The following CAMK2G variants were observed in gnomAD, a reference collection of about 807,000 sequenced individuals.
CAMK2G encodes the protein calcium/calmodulin dependent protein kinase II gamma.
CAMK2G carries 23 observed loss-of-function variants against 88.7 expected under a neutral mutation model. The observed-to-expected ratio is 0.26, with a 90% confidence interval of 0.19 to 0.37. The LOEUF (loss-of-function observed/expected upper bound fraction) is 0.37. Among genes scored for constraint, CAMK2G ranks in the 10% least tolerant of loss-of-function variants. The pLI is 1.00. For missense variants in CAMK2G, 476 were observed against 780.8 expected, an observed-to-expected ratio of 0.61 and a Z score of 4.65; for synonymous variants, 263 against 294.8, an observed-to-expected ratio of 0.89 and a Z score of 1.11.
chr10:73,829,796 T>A lies in CAMK2G; in HGVS notation c.1054-1675A>T, dbSNP rs192424108. Among the ~76,000 whole-genome samples, 283 of 152,136 alleles carry A rather than the reference T, an allele frequency of 1.9e-3. 7 individuals carry two copies. Among genetic ancestry groups the A allele is most frequent in the Admixed American group, 0.018 (277 of 15,262 alleles). On this transcript the variant is annotated intron_variant, in intron 14 of 22. Transcript: ENST00000423381. ...TGCTTTCAGGAAGGTTCCTATCTTA[T>A]GTGTCTTTACAATTTCCACAGTACC...
At position 73,842,262 on chromosome 10, in the gene CAMK2G, A is replaced by G; in HGVS notation, c.904-51T>C. ...ATTCACTGAGACCCTAGAAAAGGGCAGGCTGGTCTCAGGCAAAGGCAGGTC... is the reference window on the plus strand; with the variant it reads ...ATTCACTGAGACCCTAGAAAAGGGCGGGCTGGTCTCAGGCAAAGGCAGGTC... On this transcript the variant is annotated intron_variant, in intron 11 of 22. Transcript: ENST00000423381. The surrounding 1 kb of genome is among the most constrained non-coding windows in gnomAD (Gnocchi z 4.6). 2 of 1,501,944 alleles carry G rather than the reference A, an allele frequency of 1.3e-6. No individual in the cohort carries two copies. The highest frequency in any genetic ancestry group is 2.3e-5 in the East Asian group (1 of 44,440). The allele number at this position is 1,501,944 out of a possible 1,614,324, so 93.0% of individuals were successfully genotyped here. A position where few individuals can be genotyped will look rare whatever the true frequency, so the allele number is the denominator to read the frequency against.
At chr10:73,853,370 T>TG in intron 3 of CAMK2G, 124 bp from the exon 4 acceptor site, 1 of 807,900 alleles carries the variant, frequency 1.2e-6, no homozygotes, top group Non-Finnish European at 2.0e-6. Flanking sequence ...GAAGGAGCAG[T>TG]GGGGGGAAGT....
chr10:73,819,654 C>CCAGGGCAGGGCAGGG lies in CAMK2G; in HGVS notation c.1250-24_1250-10dup, dbSNP rs201010279. Reference sequence around the variant, plus strand: ...AGTGCGGAGCGGGGCAGCTAGCCAGCCAGGGCAGGGCAGGGCAGGGCAAGG... The same window carrying CCAGGGCAGGGCAGGG: ...AGTGCGGAGCGGGGCAGCTAGCCAGCCAGGGCAGGGCAGGGCAGGGCAGGGCAGGGCAGGGCAAGG... On this transcript the variant is annotated splice_polypyrimidine_tract_variant and intron_variant, in intron 18 of 22. Coordinates refer to ENST00000423381, the MANE Select transcript of CAMK2G (RefSeq NM_001367534.1). The CCAGGGCAGGGCAGGG allele has an allele frequency of 2.6e-6, 4 of 1,521,458 alleles. No homozygotes were observed. The Admixed American group carries it at 5.9e-5, about 23-fold the overall frequency. 94.2% of individuals were successfully genotyped at this position (1,521,458 alleles called of 1,614,324 possible).
chr10:73,849,218 A>G (rs2094456857), intron 6 of CAMK2G, 43 bp downstream of exon 6: 3 of 1,589,624 alleles, frequency 1.9e-6, no homozygotes, highest in African/African-American at 2.7e-5. Flanking sequence ...AGGTGGCGCC[A>G]ACACTTCATG....
At chr10:73,828,236 C>T (rs2091620750) in intron 14 of CAMK2G, 115 bp from the exon 15 acceptor site, 7 of 838,564 alleles carry the variant, frequency 8.3e-6, no homozygotes, top group African/African-American at 1.7e-5. Flanking sequence ...GAGAAAAGAG[C>T]GGAGGGAGAC....
At chr10:73,824,669 C>T (rs2090316753) in intron 16 of CAMK2G, among the ~76,000 whole-genome samples, 1 of 152,200 alleles carries the variant, frequency 6.6e-6, no homozygotes, top group South Asian at 2.1e-4. Context: ...GGCAACATCA[C>T]CTCTCCCTCT....
At chr10:73,855,932 GATTC>G (rs887003781) in intron 3 of CAMK2G, among the ~76,000 whole-genome samples, 3 of 152,118 alleles carry the variant, frequency 2.0e-5, no homozygotes, top group African/African-American at 7.2e-5. Flanking sequence ...AGCAACAGCA[GATTC>G]ATTATTTCTT....
At chr10:73,831,721 G>A (rs901776603) in intron 14 of CAMK2G, among the ~76,000 whole-genome samples, 8 of 151,444 alleles carry the variant, frequency 5.3e-5, no homozygotes, top group East Asian at 2.0e-4. Flanking sequence ...TCAGCCGGGC[G>A]TGGTGGCACA....
At chr10:73,821,859 A>G (rs1300760876) in intron 17 of CAMK2G, 129 bp from the exon 18 acceptor site, 9 of 738,280 alleles carry the variant, frequency 1.2e-5, no homozygotes, top group Non-Finnish European at 2.1e-5. Flanking sequence ...TTCTGCTTCC[A>G]CCCTGGCTGT....
At chr10:73,853,439 C>T (rs562910580) in intron 3 of CAMK2G, among the ~76,000 whole-genome samples, 193 bp from the exon 4 acceptor site, 44 of 152,332 alleles carry the variant, frequency 2.9e-4, no homozygotes, top group African/African-American at 7.9e-4. Flanking sequence ...CAGAGCCTGG[C>T]GCTCTGGTTG....
intron 14 of CAMK2G, among the ~76,000 whole-genome samples, chr10:73,833,557 TGTTTTCAGGTTGTCA>T (rs2092789443): frequency 6.6e-6 from 1 of 151,906 alleles, no homozygotes; most frequent in Admixed American, 6.6e-5. Flanking sequence ...TCTACTTCCT[TGTTTTCAGGTTGTCA>T]GTTTATTTTC....
chr10:73,842,635 G>A lies in CAMK2G; in HGVS notation c.820-94C>T. 1 of 858,904 alleles carries A rather than the reference G, an allele frequency of 1.2e-6. No homozygotes were observed. Among genetic ancestry groups the A allele is most frequent in the Non-Finnish European group, 1.9e-6 (1 of 513,288 alleles). The allele number at this position is 858,904 out of a possible 1,614,324, so 53.2% of individuals were successfully genotyped here. ...GATACCATGCCCAGGACAGGGTCAT[G>A]CACTCAGCCACCCCAGAGTTGCTCT... On this transcript the variant is annotated intron_variant, in intron 10 of 22. Coordinates refer to ENST00000423381, the MANE Select transcript of CAMK2G (RefSeq NM_001367534.1). The surrounding 1 kb of genome is among the most constrained non-coding windows in gnomAD (Gnocchi z 4.6).
At position 73,873,008 on chromosome 10, in the gene CAMK2G, G is replaced by C. The variant is rs774447392; in HGVS notation, c.141C>G (p.Thr47=). Residue 47 remains threonine, a synonymous_variant, in exon 2 of 23, where the codon ACC becomes ACG. Coordinates refer to ENST00000423381, the MANE Select transcript of CAMK2G (RefSeq NM_001367534.1). ...TQEYAAKIIN[T]KKLSARDHQK... is the part of the protein sequence containing the mutation. ...ACTCACCCCGGGCAGACAACTTCTT[G>C]GTATTGATGATTTTTGCTGCGTACT... 5.4e-5 allele frequency: 87 copies of C among 1,611,352 alleles called. No individual in the cohort carries two copies. The highest frequency in any genetic ancestry group is 1.2e-4 in the Admixed American group (7 of 59,990).
At position 73,812,857 on chromosome 10, in the gene CAMK2G, G is replaced by C. The variant is rs2084536271; in HGVS notation, c.*1661C>G. The C allele has an allele frequency of 6.5e-6, 1 of 152,734 alleles. No individual in the cohort carries two copies. The highest frequency in any genetic ancestry group is 1.5e-5 in the Non-Finnish European group (1 of 68,064). 9.5% of individuals were successfully genotyped at this position (152,734 alleles called of 1,614,324 possible). A position where few individuals can be genotyped will look rare whatever the true frequency, so the allele number is the denominator to read the frequency against. ...TGCGTGCTGGCACTGCAGACTGCAG[G>C]GCAGGAAAGGGCTAGGGCCCAGGGG... is the stretch of plus-strand genomic sequence containing the variant. On this transcript the variant is annotated 3_prime_UTR_variant, in exon 23 of 23. Transcript: ENST00000423381.
chr10:73,838,350 G>C (rs1208515221), intron 13 of CAMK2G, among the ~76,000 whole-genome samples: 1 of 152,190 alleles, frequency 6.6e-6, no homozygotes, highest in Non-Finnish European at 1.5e-5. Flanking sequence ...TCTGTATCTT[G>C]GTTCCACCAC....
At chr10:73,822,482 T>A (rs1364906635) in intron 17 of CAMK2G, among the ~76,000 whole-genome samples, 1 of 152,190 alleles carries the variant, frequency 6.6e-6, no homozygotes. Flanking sequence ...CTAGAGTTCT[T>A]GATCATGAGG....
intron 3 of CAMK2G, among the ~76,000 whole-genome samples, chr10:73,854,323 G>C (rs1249331229): frequency 6.6e-6 from 1 of 152,136 alleles, no homozygotes; most frequent in Non-Finnish European, 1.5e-5. Flanking sequence ...AAAGCTCTTG[G>C]GTAAAAAACC....
At chr10:73,837,247 T>G in intron 14 of CAMK2G, 2 of 601,150 alleles carry the variant, frequency 3.3e-6, no homozygotes, top group Admixed American at 2.8e-5. Flanking sequence ...TTGGATCACT[T>G]CCCCTGAGTC....
At chr10:73,831,921 TTTC>T (rs2092509689) in intron 14 of CAMK2G, among the ~76,000 whole-genome samples, 5 of 152,022 alleles carry the variant, frequency 3.3e-5, no homozygotes, top group Admixed American at 3.3e-4. Context: ...TCTTACCTCT[TTTC>T]TTTTTTTTTT....
Sources: allele counts gnomAD v4.1 joint callset (sites outside exome capture counted in the v4.1 genomes callset), GRCh38; gene constraint gnomAD v4.1.1; non-coding constraint Gnocchi (gnomAD v3.1); transcripts MANE v1.5; gene names NCBI Gene and HGNC (gene_info 2026-07-23, HGNC 2026-07-21).